The following SUPT3H variants were observed in gnomAD, a reference collection of about 807,000 sequenced individuals.
SUPT3H encodes the protein transcription initiation protein SPT3 homolog.
A neutral mutation model predicts 44.3 loss-of-function variants in SUPT3H; 44 were observed. The observed-to-expected ratio is 0.99, with a 90% CI of 0.78 to 1.28. The LOEUF is 1.28. Among genes scored for constraint, SUPT3H ranks in the 50% most tolerant of loss-of-function variants. The probability of loss-of-function intolerance (pLI) is 0.00; values close to 1 mark genes in which losing one functional copy is unlikely to be tolerated. For synonymous variants in SUPT3H, 124 were observed against 125.6 expected (o/e 0.99, Z 0.09); for missense variants, 380 against 387.1 (o/e 0.98, Z 0.15).
At chr6:45,071,243 C>T (rs768926716) in intron 3 of SUPT3H, among the ~76,000 whole-genome samples, 29 of 150,636 alleles carry the variant, frequency 1.9e-4, no homozygotes, top group Admixed American at 4.6e-4. Context: ...TTTATTAATC[C>T]CATAGGTCAG....
At chr6:45,177,349 T>C (rs367852735) in intron 2 of SUPT3H, among the ~76,000 whole-genome samples, 8 of 151,748 alleles carry the variant, frequency 5.3e-5, no homozygotes, top group East Asian at 1.9e-4. Flanking sequence ...TGAAATGAAG[T>C]GAGAAGGGAA....
chr6:45,313,295 C>G (rs995656372), intron 2 of SUPT3H, among the ~76,000 whole-genome samples: 2 of 151,766 alleles, frequency 1.3e-5, no homozygotes, highest in Admixed American at 6.6e-5. Flanking sequence ...CAGAGCAGAA[C>G]TAAACAAAAT....
At chr6:45,012,465 G>GT (rs1783632998) in intron 5 of SUPT3H, among the ~76,000 whole-genome samples, 1 of 151,730 alleles carries the variant, frequency 6.6e-6, no homozygotes, top group Non-Finnish European at 1.5e-5. Context: ...TTTCATTTCA[G>GT]TAATTGTATT....
chr6:44,941,813 A>T (rs1772490170), intron 9 of SUPT3H, among the ~76,000 whole-genome samples: 2 of 152,110 alleles, frequency 1.3e-5, no homozygotes, highest in Admixed American at 6.6e-5. Flanking sequence ...TATTATATGC[A>T]GGATTACTTG....
chr6:44,835,879 A>G (rs1581897179), intron 10 of SUPT3H, among the ~76,000 whole-genome samples: 3 of 152,082 alleles, frequency 2.0e-5, no homozygotes, highest in African/African-American at 7.2e-5. Context: ...CTGCTCCCAT[A>G]TGTCCGAATT....
intron 2 of SUPT3H, among the ~76,000 whole-genome samples, chr6:45,250,458 T>C (rs915472096): frequency 6.6e-6 from 1 of 151,834 alleles, no homozygotes; most frequent in Non-Finnish European, 1.5e-5. Flanking sequence ...ACTGTTAAAA[T>C]TTTCCAGATA....
chr6:44,929,413 G>A (rs1221945443), intron 10 of SUPT3H, among the ~76,000 whole-genome samples: 1 of 152,024 alleles, frequency 6.6e-6, no homozygotes, highest in Non-Finnish European at 1.5e-5. Flanking sequence ...TTCTAAATTA[G>A]ATGTTACATT....
At chr6:45,213,893 A>C (rs533793466) in intron 2 of SUPT3H, among the ~76,000 whole-genome samples, 19 of 150,880 alleles carry the variant, frequency 1.3e-4, no homozygotes, top group South Asian at 2.1e-4. Context: ...GTTGGTACTA[A>C]AAAGGGCTTA....
intron 10 of SUPT3H, among the ~76,000 whole-genome samples, chr6:44,891,633 C>T (rs561541464): frequency 2.0e-5 from 3 of 151,974 alleles, no homozygotes; most frequent in South Asian, 4.1e-4. Context: ...TTAATGGGTA[C>T]AGAGTTTCTG....
intron 2 of SUPT3H, among the ~76,000 whole-genome samples, chr6:45,270,079 A>C (rs1314557486): frequency 6.6e-6 from 1 of 152,216 alleles, no homozygotes; most frequent in Non-Finnish European, 1.5e-5. Context: ...AATGTTTTTA[A>C]GTTCATATGA....
chr6:44,846,379 GAT>G (rs1289382839), intron 10 of SUPT3H, among the ~76,000 whole-genome samples: 1 of 152,010 alleles, frequency 6.6e-6, no homozygotes, highest in African/African-American at 2.4e-5. Context: ...TAACCACACA[GAT>G]AGTGACAAGA....
intron 3 of SUPT3H, among the ~76,000 whole-genome samples, chr6:45,024,089 T>G (rs1402009243): frequency 6.6e-6 from 1 of 152,094 alleles, no homozygotes; most frequent in Non-Finnish European, 1.5e-5. Context: ...AGCATTTCTG[T>G]TTTTTTCTGA....
chr6:45,126,998 C>T (rs2153581899), intron 2 of SUPT3H, among the ~76,000 whole-genome samples: 1 of 152,178 alleles, frequency 6.6e-6, no homozygotes, highest in South Asian at 2.1e-4. Context: ...GTTTTCCCTC[C>T]AAAACCAATA....
chr6:45,241,701 AGAGT>A (rs1336906883), intron 2 of SUPT3H, among the ~76,000 whole-genome samples: 5 of 152,168 alleles, frequency 3.3e-5, no homozygotes, highest in African/African-American at 9.6e-5. Context: ...GGTCTCAGCA[AGAGT>A]GAGAGGTCAT....
intron 10 of SUPT3H, among the ~76,000 whole-genome samples, chr6:44,930,944 AT>A (rs1446867522): frequency 1.3e-5 from 2 of 152,202 alleles, no homozygotes; most frequent in African/African-American, 4.8e-5. Context: ...ACAGTCTTAG[AT>A]TGTAAAAGTA....
At chr6:45,272,212 A>C (rs761508502) in intron 2 of SUPT3H, among the ~76,000 whole-genome samples, 4 of 152,152 alleles carry the variant, frequency 2.6e-5, no homozygotes, top group Non-Finnish European at 4.4e-5. Context: ...TGGTTTTGAA[A>C]TGTGAGGACA....
chr6:44,948,532 AC>A (rs1773722463), intron 9 of SUPT3H, among the ~76,000 whole-genome samples: 1 of 152,224 alleles, frequency 6.6e-6, no homozygotes, highest in African/African-American at 2.4e-5. Context: ...AAGAACTTAA[AC>A]AAATTTACAA....
In SUPT3H at chr6:45,202,714, C is replaced by T. The variant is rs568759963; in HGVS notation, c.102-96708G>A. On this transcript the variant is annotated intron_variant, in intron 2 of 10. Coordinates refer to ENST00000371459, the MANE Select transcript of SUPT3H (RefSeq NM_003599.4). ...TTCCATTTGGAGCATTAACCTAGAACGGACAAAAAATGTTTATCAATATTA... is the reference window on the plus strand; with the variant it reads ...TTCCATTTGGAGCATTAACCTAGAATGGACAAAAAATGTTTATCAATATTA... Among the ~76,000 whole-genome samples, 309 of 151,888 alleles carry T rather than the reference C, an allele frequency of 2.0e-3. 2 individuals carry two copies. The highest frequency in any genetic ancestry group is 0.017 in the South Asian group (80 of 4,814).
intron 10 of SUPT3H, among the ~76,000 whole-genome samples, chr6:44,907,186 T>C (rs578019160): frequency 3.8e-4 from 58 of 152,218 alleles, no homozygotes; most frequent in Middle Eastern, 3.2e-3. Context: ...TAGACAGTGG[T>C]ATTTAATTAA....
Sources: allele counts gnomAD v4.1 joint callset (sites outside exome capture counted in the v4.1 genomes callset), GRCh38; gene constraint gnomAD v4.1.1; transcripts MANE v1.5; gene names NCBI Gene and HGNC (gene_info 2026-07-23, HGNC 2026-07-21).